Variants in MITF observed in about 807,000 individuals in gnomAD.
The protein encoded by MITF is microphthalmia-associated transcription factor.
MITF carries 17 observed loss-of-function variants against 60.5 expected under a neutral mutation model. The ratio of observed to expected loss-of-function variants is 0.28; its 90% CI spans 0.19 to 0.42. The LOEUF (loss-of-function observed/expected upper bound fraction) is 0.42, where lower values mean the gene tolerates loss of function less well. MITF is among the 10% of genes least tolerant of loss of function. The pLI, the probability that MITF is intolerant of heterozygous loss-of-function variation, is 1.00. For missense variants in MITF, 622 were observed against 683.5 expected (o/e 0.91, Z 1.00); for synonymous variants, 260 against 248.5 (o/e 1.05, Z -0.43).
intron 7 of MITF, among the ~76,000 whole-genome samples, chr3:69,954,188 A>C (rs2066340641): frequency 1.3e-5 from 2 of 148,760 alleles, no homozygotes; most frequent in Admixed American, 6.6e-5. Flanking sequence ...CTGGTGAGTG[A>C]AAAAAAGATG....
intron 1 of MITF, among the ~76,000 whole-genome samples, chr3:69,740,279 C>T (rs552274103): frequency 6.6e-6 from 1 of 151,878 alleles, no homozygotes; most frequent in African/African-American, 2.4e-5. Flanking sequence ...ACCTCCAGAC[C>T]GCTGCTAGCG....
At chr3:69,751,152 A>C (rs999678667) in intron 1 of MITF, among the ~76,000 whole-genome samples, 1 of 152,192 alleles carries the variant, frequency 6.6e-6, no homozygotes, top group African/African-American at 2.4e-5. Flanking sequence ...GTTGAGAAAC[A>C]GGGTGATGGT....
At chr3:69,925,000 T>A (rs148023313) in intron 2 of MITF, among the ~76,000 whole-genome samples, 39 of 152,210 alleles carry the variant, frequency 2.6e-4, no homozygotes, top group Non-Finnish European at 5.3e-4. Flanking sequence ...AGTCCTCTCG[T>A]CTCCTTCTTG....
At chr3:69,849,366 C>T (rs543365015) in intron 1 of MITF, among the ~76,000 whole-genome samples, 35 of 152,182 alleles carry the variant, frequency 2.3e-4, no homozygotes, top group African/African-American at 7.9e-4. Flanking sequence ...AGAGGAGTTC[C>T]CTTTGTGATG....
chr3:69,778,460 G>A (rs1392905729), intron 1 of MITF, among the ~76,000 whole-genome samples: 1 of 152,138 alleles, frequency 6.6e-6, no homozygotes, highest in Non-Finnish European at 1.5e-5. Context: ...CTCCATACAA[G>A]AAGCCCAGGG....
intron 1 of MITF, among the ~76,000 whole-genome samples, chr3:69,836,212 A>G (rs906061121): frequency 1.3e-5 from 2 of 152,100 alleles, no homozygotes; most frequent in Non-Finnish European, 2.9e-5. Flanking sequence ...TTATTCCTAT[A>G]TAGCTTATTT....
chr3:69,921,779 A>G (rs1440130785), intron 2 of MITF, among the ~76,000 whole-genome samples: 1 of 152,214 alleles, frequency 6.6e-6, no homozygotes, highest in East Asian at 1.9e-4. Context: ...TCTGCCACTG[A>G]AAGGAGTCGG....
intron 1 of MITF, among the ~76,000 whole-genome samples, chr3:69,876,901 A>G (rs910091764): frequency 2.6e-5 from 4 of 152,210 alleles, no homozygotes; most frequent in African/African-American, 9.7e-5. Context: ...TCTGCCATTG[A>G]AAAAATACTA....
chr3:69,909,124 G>C (rs889173682), intron 2 of MITF, among the ~76,000 whole-genome samples: 2 of 152,030 alleles, frequency 1.3e-5, no homozygotes. Context: ...GGACCCGGGG[G>C]GTTGGTAATT....
intron 2 of MITF, among the ~76,000 whole-genome samples, chr3:69,888,573 C>T (rs1293348336): frequency 6.6e-6 from 1 of 152,002 alleles, no homozygotes; most frequent in Non-Finnish European, 1.5e-5. Flanking sequence ...GCACACGCCG[C>T]TAAGTAATTC....
intron 1 of MITF, among the ~76,000 whole-genome samples, chr3:69,757,603 T>C (rs1374090336): frequency 6.6e-6 from 1 of 152,026 alleles, no homozygotes; most frequent in Non-Finnish European, 1.5e-5. Context: ...TAGGCTGGTG[T>C]TGAGAGTTAG....
At chr3:69,820,721 G>T (rs946066600) in intron 1 of MITF, among the ~76,000 whole-genome samples, 11 of 152,130 alleles carry the variant, frequency 7.2e-5, no homozygotes, top group Non-Finnish European at 1.5e-4. Flanking sequence ...GCAGTCTGTT[G>T]TAATCAATCA....
At chr3:69,954,923 G>A (rs1169184702) in intron 7 of MITF, among the ~76,000 whole-genome samples, 3 of 152,128 alleles carry the variant, frequency 2.0e-5, no homozygotes, top group African/African-American at 4.8e-5. Context: ...ATATATTCTG[G>A]TATTTAGAGT....
intron 2 of MITF, among the ~76,000 whole-genome samples, chr3:69,888,413 CTT>C (rs199920801): frequency 1.4e-5 from 2 of 141,852 alleles, no homozygotes; most frequent in Admixed American, 7.0e-5. Context: ...TTCTTTTTTT[CTT>C]TTTTTTTTTT....
chr3:69,842,018 A>G (rs138886158), intron 1 of MITF, among the ~76,000 whole-genome samples: 1 of 152,352 alleles, frequency 6.6e-6, no homozygotes, highest in Non-Finnish European at 1.5e-5. Context: ...TCTTTGTTAA[A>G]TCTCCCGTTG....
chr3:69,830,692 T>C lies in MITF; in HGVS notation c.105-48442T>C, dbSNP rs185544180. Among the ~76,000 whole-genome samples the C allele has an allele frequency of 4.6e-5, 7 of 152,266 alleles. No individual in the cohort carries two copies. In the East Asian group the frequency reaches 1.4e-3, roughly 29 times the overall value. ...AACCTGTCTGGTGTATAATGGGTGCTCAGTAAATGAAAAGGGGGTTCAATA... is the reference window on the plus strand; with the variant it reads ...AACCTGTCTGGTGTATAATGGGTGCCCAGTAAATGAAAAGGGGGTTCAATA... On this transcript the variant is annotated intron_variant, in intron 1 of 9. Coordinates refer to ENST00000352241, the MANE Select transcript of MITF (RefSeq NM_001354604.2).
intron 1 of MITF, among the ~76,000 whole-genome samples, chr3:69,860,358 G>A (rs1288021805): frequency 6.6e-6 from 1 of 152,122 alleles, no homozygotes; most frequent in Non-Finnish European, 1.5e-5. Flanking sequence ...TGTAATCCCA[G>A]CACTTTGGGA....
At chr3:69,870,625 G>A (rs2064217149) in intron 1 of MITF, among the ~76,000 whole-genome samples, 1 of 151,648 alleles carries the variant, frequency 6.6e-6, no homozygotes, top group Admixed American at 6.6e-5. Flanking sequence ...AGTAGAGACG[G>A]GGTTTCACCA....
At chr3:69,801,775 A>G (rs1317142917) in intron 1 of MITF, among the ~76,000 whole-genome samples, 1 of 152,150 alleles carries the variant, frequency 6.6e-6, no homozygotes, top group African/African-American at 2.4e-5. Flanking sequence ...GCATTGGAAA[A>G]TGGGCTATAG....
Sources: gnomAD v4.1 joint callset for allele counts (sites outside exome capture counted in the v4.1 genomes callset) on GRCh38, gnomAD v4.1.1 for gene constraint, MANE v1.5 for transcripts, NCBI Gene and HGNC (gene_info 2026-07-23, HGNC 2026-07-21) for gene names.